Variants in PRKCH observed in about 807,000 individuals in gnomAD.
The protein encoded by PRKCH is protein kinase C eta, also known as protein kinase C eta type.
A neutral mutation model predicts 82.5 loss-of-function variants in PRKCH; 28 were observed. That is an observed-to-expected ratio of 0.34 (90% CI 0.25 to 0.47). PRKCH has a LOEUF of 0.47. Among genes scored for constraint, PRKCH ranks in the 20% least tolerant of loss-of-function variants. The pLI is 1.00. For synonymous variants in PRKCH, 322 were observed against 327.4 expected (o/e 0.98, Z 0.18); for missense variants, 705 against 881.8 (o/e 0.80, Z 2.54).
intron 9 of PRKCH, among the ~76,000 whole-genome samples, chr14:61,464,802 G>A (rs1410894766): frequency 6.6e-6 from 1 of 152,184 alleles, no homozygotes; most frequent in Non-Finnish European, 1.5e-5. Context: ...GGGCATTTGT[G>A]TTGGTTCCAA....
At chr14:61,363,215 C>T (rs1259728511) in intron 1 of PRKCH, among the ~76,000 whole-genome samples, 2 of 152,152 alleles carry the variant, frequency 1.3e-5, no homozygotes, top group Non-Finnish European at 2.9e-5. Context: ...CAAGTATACT[C>T]TATGAAGGCT....
At chr14:61,269,895 C>T (rs1325420902) in intron 1 of PRKCH, among the ~76,000 whole-genome samples, 1 of 152,148 alleles carries the variant, frequency 6.6e-6, no homozygotes, top group Admixed American at 6.5e-5. Flanking sequence ...AGCGAGGCCA[C>T]GGCGAGGTGA....
intron 10 of PRKCH, chr14:61,528,182 A>ACACC (rs1566929556): frequency 6.6e-6 from 1 of 151,096 alleles, no homozygotes; most frequent in Admixed American, 6.6e-5. Context: ...ACACACACAC[A>ACACC]AAGTATTTCT....
intron 1 of PRKCH, among the ~76,000 whole-genome samples, chr14:61,225,642 C>T (rs1028728176): frequency 3.3e-5 from 5 of 152,172 alleles, no homozygotes; most frequent in African/African-American, 9.7e-5. Flanking sequence ...GTTATTGCAG[C>T]AGTAACACCA....
At chr14:61,411,750 G>A (rs1207788134) in intron 2 of PRKCH, among the ~76,000 whole-genome samples, 1 of 152,188 alleles carries the variant, frequency 6.6e-6, no homozygotes, top group Non-Finnish European at 1.5e-5. Context: ...TACTAGAGAA[G>A]AGACAGCTGC....
At chr14:61,243,879 G>C (rs1201242238) in intron 1 of PRKCH, among the ~76,000 whole-genome samples, 3 of 151,638 alleles carry the variant, frequency 2.0e-5, no homozygotes, top group African/African-American at 7.3e-5. Context: ...GGGAGGCCAA[G>C]GTGGGAGGTT....
At chr14:61,382,662 C>G (rs1057337854) in intron 1 of PRKCH, among the ~76,000 whole-genome samples, 1 of 152,168 alleles carries the variant, frequency 6.6e-6, no homozygotes, top group Non-Finnish European at 1.5e-5. Flanking sequence ...AGCCATCCAG[C>G]CAAGAATTTG....
chr14:61,373,608 T>C (rs2140176226), intron 1 of PRKCH, among the ~76,000 whole-genome samples: 1 of 152,058 alleles, frequency 6.6e-6, no homozygotes, highest in South Asian at 2.1e-4. Flanking sequence ...TTCGTTTTTG[T>C]TTTTGTTTTT....
At chr14:61,272,089 G>A (rs895612591) in intron 1 of PRKCH, among the ~76,000 whole-genome samples, 6 of 151,874 alleles carry the variant, frequency 4.0e-5, no homozygotes, top group East Asian at 2.0e-4. Flanking sequence ...TTAGCCGGGC[G>A]TGGTGGCGGG....
intron 7 of PRKCH, among the ~76,000 whole-genome samples, chr14:61,456,064 TGAA>T (rs1884751905): frequency 6.6e-6 from 1 of 152,220 alleles, no homozygotes; most frequent in Non-Finnish European, 1.5e-5. Flanking sequence ...CTTAAGAAAC[TGAA>T]TAATGATAAT....
intron 1 of PRKCH, among the ~76,000 whole-genome samples, chr14:61,364,000 A>G (rs2046265410): frequency 6.8e-6 from 1 of 147,036 alleles, no homozygotes; most frequent in Non-Finnish European, 1.5e-5. Flanking sequence ...GTGTGTATAT[A>G]TATATTTGTG....
intron 1 of PRKCH, chr14:61,279,979 A>G: frequency 3.2e-6 from 3 of 924,456 alleles, no homozygotes; most frequent in Non-Finnish European, 4.8e-6. Context: ...CTCATTCACA[A>G]AGGGAGGAAA....
At chr14:61,507,170 C>T (rs1365055055) in intron 10 of PRKCH, among the ~76,000 whole-genome samples, 1 of 152,108 alleles carries the variant, frequency 6.6e-6, no homozygotes, top group Admixed American at 6.5e-5. Context: ...TGCACATGGC[C>T]AGTAGGTTTA....
chr14:61,427,558 T>G (rs1390113531), intron 2 of PRKCH, among the ~76,000 whole-genome samples: 1 of 152,162 alleles, frequency 6.6e-6, no homozygotes, highest in Non-Finnish European at 1.5e-5. Flanking sequence ...TATTTTGGGA[T>G]AAAATATTTT....
At chr14:61,226,179 A>C (rs2044694955) in intron 1 of PRKCH, among the ~76,000 whole-genome samples, 1 of 152,158 alleles carries the variant, frequency 6.6e-6, no homozygotes, top group African/African-American at 2.4e-5. Context: ...TCATTCTTTC[A>C]ACCAGTAAGC....
At chr14:61,270,451 A>T (rs2045141509) in intron 1 of PRKCH, among the ~76,000 whole-genome samples, 1 of 152,238 alleles carries the variant, frequency 6.6e-6, no homozygotes, top group African/African-American at 2.4e-5. Context: ...CAAAATTCCA[A>T]GGGGACTTAC....
At chr14:61,487,640 C>T (rs1220509791) in intron 10 of PRKCH, among the ~76,000 whole-genome samples, 4 of 152,078 alleles carry the variant, frequency 2.6e-5, no homozygotes, top group African/African-American at 9.7e-5. Flanking sequence ...TAAGTAATGA[C>T]TCCCCTACTT....
At chr14:61,353,834 C>G (rs895900471) in intron 1 of PRKCH, 1 of 152,070 alleles carries the variant, frequency 6.6e-6, no homozygotes, top group Non-Finnish European at 1.5e-5. Flanking sequence ...CTACATGGGA[C>G]ACTGAGACAG....
At chr14:61,231,095 A>G (rs7151462) in intron 1 of PRKCH, among the ~76,000 whole-genome samples, 140,945 of 152,272 alleles carry the variant, frequency 0.93, 65,698 homozygotes, top group Non-Finnish European at 0.98. Flanking sequence ...TTAAGAAAGC[A>G]CAGACTCTGG....
Sources: allele counts gnomAD v4.1 joint callset (sites outside exome capture counted in the v4.1 genomes callset), GRCh38; gene constraint gnomAD v4.1.1; transcripts MANE v1.5; gene names NCBI Gene and HGNC (gene_info 2026-07-23, HGNC 2026-07-21).